Variants in HSPA12A observed in about 807,000 individuals in gnomAD.
HSPA12A encodes heat shock 70 kDa protein 12A.
In HSPA12A, 28 loss-of-function variants were observed where a neutral mutation model predicts 69.2. The observed-to-expected ratio is 0.40, with a 90% confidence interval of 0.30 to 0.55. The LOEUF is 0.55. HSPA12A is among the 20% of genes least tolerant of loss of function. The probability of loss-of-function intolerance (pLI) is 0.38; values close to 1 mark genes in which losing one functional copy is unlikely to be tolerated. For missense variants in HSPA12A, 686 were observed against 900.7 expected (o/e 0.76, Z 3.05); for synonymous variants, 345 against 370.5 (o/e 0.93, Z 0.79).
At chr10:116,742,640 C>CCGGCCCGCCCGG (rs1436418886), upstream of HSPA12A, 4 of 1,002,084 alleles carry the variant, frequency 4.0e-6, no homozygotes, top group African/African-American at 5.2e-5. Context: ...GGGCCCCGCC[C>CCGGCCCGCCCGG]CGGCCCGCCC....
At chr10:116,729,223 G>T (rs1405093411) in intron 1 of HSPA12A, among the ~76,000 whole-genome samples, 3 of 152,130 alleles carry the variant, frequency 2.0e-5, no homozygotes, top group African/African-American at 7.2e-5. Flanking sequence ...GGTCACAGGA[G>T]CCCACCCCCA....
chr10:116,784,726 A>G (rs1554892156), intron 2 of HSPA12A, among the ~76,000 whole-genome samples: 1 of 152,162 alleles, frequency 6.6e-6, no homozygotes, highest in East Asian at 1.9e-4. Flanking sequence ...GCCCCAGCTG[A>G]CTGGCTGAGG....
rs71013609 is a variant in HSPA12A at position 116,696,002 on chromosome 10, C to CAA, written c.546+2631_546+2632dup. On this transcript the variant is annotated intron_variant, in intron 5 of 11. Transcript: ENST00000369209. The stretch of plus-strand genomic sequence containing the variant: ...TGGGCAACAGAGAGAGACTCCATCT[C>CAA]AAAAAAAAAAAAAAAAAAAAAGGCT... Among the ~76,000 whole-genome samples the CAA allele has an allele frequency of 3.3e-3, 109 of 32,652 alleles. 3 individuals carry two copies. Among genetic ancestry groups the CAA allele is most frequent in the East Asian group, 7.5e-3 (8 of 1,066 alleles). 21.4% of individuals were successfully genotyped at this position (32,652 alleles called of 152,430 possible).
intron 3 of HSPA12A, among the ~76,000 whole-genome samples, chr10:116,702,969 A>G (rs1850123009): frequency 6.6e-6 from 1 of 152,178 alleles, no homozygotes; most frequent in African/African-American, 2.4e-5. Context: ...TTTTCACTGC[A>G]TGACTATTCT....
At chr10:116,708,649 A>G (rs1165814114) in intron 1 of HSPA12A, among the ~76,000 whole-genome samples, 1 of 152,194 alleles carries the variant, frequency 6.6e-6, no homozygotes, top group Non-Finnish European at 1.5e-5. Context: ...CCGCCTGATG[A>G]GGCTCAGTTC....
At chr10:116,697,032 C>A (rs528761903) in intron 5 of HSPA12A, among the ~76,000 whole-genome samples, 93 of 152,212 alleles carry the variant, frequency 6.1e-4, no homozygotes, top group African/African-American at 2.1e-3. Context: ...ACCACACACT[C>A]CTGTATACTG....
At chr10:116,803,916 C>A (rs1845012398) in intron 2 of HSPA12A, among the ~76,000 whole-genome samples, 1 of 152,170 alleles carries the variant, frequency 6.6e-6, no homozygotes, top group Non-Finnish European at 1.5e-5. Context: ...CCACCACCCC[C>A]TTTTGAAAAT....
chr10:116,672,370 C>T lies in HSPA12A; in HGVS notation c.*2411G>A, dbSNP rs1849110128. ...GAACGTTCAGCTCTTAAAGTCTGCACAGAAGAACTGATAGAATCTGCTCCT... is the reference window on the plus strand; with the variant it reads ...GAACGTTCAGCTCTTAAAGTCTGCATAGAAGAACTGATAGAATCTGCTCCT... On this transcript the variant is annotated 3_prime_UTR_variant, in exon 12 of 12. Coordinates refer to ENST00000369209, the MANE Select transcript of HSPA12A (RefSeq NM_025015.3). 1 of 152,198 alleles carries T rather than the reference C, an allele frequency of 6.6e-6. No individual in the cohort carries two copies. The highest frequency in any genetic ancestry group is 2.4e-5 in the African/African-American group (1 of 41,450). The allele number at this position is 152,198 out of a possible 1,614,324, so 9.4% of individuals were successfully genotyped here. A position where few individuals can be genotyped will look rare whatever the true frequency, so the allele number is the denominator to read the frequency against.
At chr10:116,731,806 T>A (rs1396085008) in intron 1 of HSPA12A, among the ~76,000 whole-genome samples, 6 of 152,078 alleles carry the variant, frequency 3.9e-5, no homozygotes, top group Non-Finnish European at 7.4e-5. Flanking sequence ...CTGGCCAGGG[T>A]TGACTGTTTC....
chr10:116,776,802 A>T (rs1193003815), intron 2 of HSPA12A, among the ~76,000 whole-genome samples: 1 of 152,248 alleles, frequency 6.6e-6, no homozygotes, highest in East Asian at 1.9e-4. Flanking sequence ...AATCATAAAC[A>T]CTATTTCAGA....
intron 1 of HSPA12A, among the ~76,000 whole-genome samples, chr10:116,839,473 T>TC (rs1302375909): frequency 2.6e-5 from 4 of 152,076 alleles, no homozygotes; most frequent in African/African-American, 7.2e-5. Flanking sequence ...TTGACAGGGA[T>TC]CACAGCTCCA....
chr10:116,699,405 C>G (rs921215176), intron 4 of HSPA12A, among the ~76,000 whole-genome samples: 1 of 152,008 alleles, frequency 6.6e-6, no homozygotes, highest in Non-Finnish European at 1.5e-5. Context: ...GAGAAAAGTC[C>G]CTGTGGGGTA....
intron 2 of HSPA12A, among the ~76,000 whole-genome samples, chr10:116,762,804 G>A (rs1033506154): frequency 3.3e-5 from 5 of 152,136 alleles, no homozygotes; most frequent in South Asian, 2.1e-4. Context: ...GGCTGGTCTC[G>A]AGCTCAAATG....
rs1463636906 is a variant in HSPA12A at position 116,685,588 on chromosome 10, T to C, written c.664-1626A>G. On this transcript the variant is annotated intron_variant, in intron 6 of 11. Transcript: ENST00000369209. ...AGGTGGAGGTTGCAGTGAGCCGAGA[T>C]GGTGCCATTGTACCCCAGCCTGGGT... 7.5e-5 allele frequency among the ~76,000 whole-genome samples: 11 copies of C among 147,500 alleles called. No individual in the cohort carries two copies. In the East Asian group the frequency reaches 2.2e-3, roughly 29 times the overall value.
chr10:116,791,670 A>G (rs1191706919), intron 2 of HSPA12A, among the ~76,000 whole-genome samples: 1 of 152,122 alleles, frequency 6.6e-6, no homozygotes, highest in Non-Finnish European at 1.5e-5. Context: ...TCAAGTTGTC[A>G]TCATAGGGCC....
Position 116,677,653 on chromosome 10 carries a change from C to T in HSPA12A, c.1287-1151G>A, listed in dbSNP as rs1849279217. 2.0e-5 allele frequency among the ~76,000 whole-genome samples: 3 copies of T among 152,224 alleles called. No homozygotes were observed. In the South Asian group the frequency reaches 6.2e-4, roughly 32 times the overall value. Reference sequence around the variant, plus strand: ...CCTGACATGAAATCTGCTTTCACTTCCACTAAAAGGAACCAGGGCTTCTTA... The same window carrying T: ...CCTGACATGAAATCTGCTTTCACTTTCACTAAAAGGAACCAGGGCTTCTTA... On this transcript the variant is annotated intron_variant, in intron 10 of 11. Transcript: ENST00000369209.
At position 116,848,119 on chromosome 10, in the gene HSPA12A, A is replaced by C. The variant is rs1845929553; in HGVS notation, c.3+1447T>G. Among the ~76,000 whole-genome samples, 5 of 152,356 alleles carry C rather than the reference A, an allele frequency of 3.3e-5. No individual in the cohort carries two copies. The South Asian group carries it at 1.0e-3, about 32-fold the overall frequency. ...GCTTATTTTGCATAAGGGTTCACTC[A>C]ACACCTATTCAGCAGAGCACATCCT... On this transcript the variant is annotated intron_variant, in intron 1 of 12. Coordinates refer to the HSPA12A transcript ENST00000635765.
chr10:116,757,565 C>T (rs1343542030), intron 2 of HSPA12A, among the ~76,000 whole-genome samples: 3 of 152,194 alleles, frequency 2.0e-5, no homozygotes, highest in African/African-American at 7.2e-5. Context: ...AATGCAAAAT[C>T]ACCTGGAGAC....
At chr10:116,803,597 T>C (rs1845006389) in intron 2 of HSPA12A, among the ~76,000 whole-genome samples, 1 of 152,150 alleles carries the variant, frequency 6.6e-6, no homozygotes, top group Non-Finnish European at 1.5e-5. Flanking sequence ...TCCTGGGAGA[T>C]GCGCTCTTCC....
Sources: gnomAD v4.1 joint callset for allele counts (sites outside exome capture counted in the v4.1 genomes callset) on GRCh38, gnomAD v4.1.1 for gene constraint, MANE v1.5 for transcripts, NCBI Gene and HGNC (gene_info 2026-07-23, HGNC 2026-07-21) for gene names.